ZNHIT6: variants seen among roughly 807,000 people sequenced by gnomAD.
ZNHIT6 encodes the protein box C/D snoRNA protein 1.
In ZNHIT6, 45 loss-of-function variants were observed where a neutral mutation model predicts 57.2. That is an observed-to-expected ratio of 0.79 (90% CI 0.62 to 1.01). The LOEUF is 1.01. Ranked by LOEUF, ZNHIT6 falls within the 50% of genes least tolerant of loss-of-function variation. The pLI is 0.00. For missense variants in ZNHIT6, 528 were observed against 567.3 expected (o/e 0.93, Z 0.70); for synonymous variants, 188 against 190.0 (o/e 0.99, Z 0.09).
At chr1:85,665,585 T>C (rs969807348) in intron 8 of ZNHIT6, among the ~76,000 whole-genome samples, 10 of 152,172 alleles carry the variant, frequency 6.6e-5, no homozygotes, top group African/African-American at 2.2e-4. Flanking sequence ...CAATACAGTA[T>C]TGTTAATTAT....
At chr1:85,705,993 A>T in intron 4 of ZNHIT6, 85 bp downstream of exon 4, 2 of 1,087,722 alleles carry the variant, frequency 1.8e-6, no homozygotes, top group Non-Finnish European at 2.6e-6. Context: ...GTAGCCACTT[A>T]ATATATTTGG....
chr1:85,706,261 T>A lies in ZNHIT6; in HGVS notation c.817A>T (p.Asn273Tyr). Residue 273 changes from asparagine to tyrosine, a missense_variant, in exon 3 of 10, where the codon AAT becomes TAT. Asn to Tyr is a moderately radical substitution (Grantham distance 143). Coordinates refer to ENST00000370574, the MANE Select transcript of ZNHIT6 (RefSeq NM_017953.4). ...TAAAGTGGCTTACCACTTAGGAGAT[T>A]CATTTCAGTAAACTGTTGTATTGAA... ...YISIQQFTEM[N>Y]LLSDYRFLED... 1 of 1,611,300 alleles carries A rather than the reference T, an allele frequency of 6.2e-7. No homozygotes were observed. The highest frequency in any genetic ancestry group is 1.3e-5 in the African/African-American group (1 of 75,020).
chr1:85,654,301 T>C (rs1209210712), intron 9 of ZNHIT6, among the ~76,000 whole-genome samples: 1 of 152,202 alleles, frequency 6.6e-6, no homozygotes, highest in Non-Finnish European at 1.5e-5. Flanking sequence ...GGCAATTATA[T>C]TTTGTGAGGT....
intron 5 of ZNHIT6, among the ~76,000 whole-genome samples, chr1:85,694,296 T>G (rs780952805): frequency 1.3e-5 from 2 of 152,158 alleles, no homozygotes; most frequent in Non-Finnish European, 2.9e-5. Context: ...CAGGGCCCAG[T>G]AGAGGGATGC....
chr1:85,680,356 A>C (rs186090965), intron 6 of ZNHIT6, among the ~76,000 whole-genome samples: 18 of 152,368 alleles, frequency 1.2e-4, no homozygotes, highest in Non-Finnish European at 2.6e-4. Flanking sequence ...TGTTAATAGT[A>C]GTAATCTTTG....
chr1:85,683,086 G>A (rs895022735), intron 5 of ZNHIT6, among the ~76,000 whole-genome samples: 1 of 152,040 alleles, frequency 6.6e-6, no homozygotes, highest in Non-Finnish European at 1.5e-5. Flanking sequence ...GCATGGTGGC[G>A]TATGCCTATA....
At chr1:85,690,424 G>C (rs1662183858) in intron 5 of ZNHIT6, among the ~76,000 whole-genome samples, 1 of 152,126 alleles carries the variant, frequency 6.6e-6, no homozygotes, top group Non-Finnish European at 1.5e-5. Flanking sequence ...TAAAAACCTA[G>C]AAATAAAAAC....
At chr1:85,700,434 TG>T (rs1264120353) in intron 5 of ZNHIT6, among the ~76,000 whole-genome samples, 1 of 152,140 alleles carries the variant, frequency 6.6e-6, no homozygotes, top group Non-Finnish European at 1.5e-5. Flanking sequence ...AAAAGACTTA[TG>T]CAAGAAGAAT....
At chr1:85,688,231 A>G (rs1394030447) in intron 5 of ZNHIT6, among the ~76,000 whole-genome samples, 1 of 152,166 alleles carries the variant, frequency 6.6e-6, no homozygotes, top group South Asian at 2.1e-4. Flanking sequence ...AAATATTATT[A>G]TTTCATTTTA....
chr1:85,663,043 T>C (rs967280020), intron 8 of ZNHIT6, among the ~76,000 whole-genome samples: 1 of 152,182 alleles, frequency 6.6e-6, no homozygotes, highest in Non-Finnish European at 1.5e-5. Flanking sequence ...AGTTCCAGTC[T>C]TATCACTGGT....
rs907100707 is a variant in ZNHIT6, at chr1:85,657,865, T to C, written c.1354A>G (p.Met452Val). ...HVVLKGSNND[M>V]KVLHQVKSES... ...CACTTACCTTGGTGAAGAACTTTCA[T>C]GTCATTATTGGATCCTTTCAATACC... is the stretch of plus-strand genomic sequence containing the variant. The change falls in exon 9 of 10, where the codon ATG (methionine) becomes GTG (valine). Residue 452 changes from methionine to valine, a missense_variant. Met to Val is a conservative substitution (Grantham distance 21). Transcript: ENST00000370574. 9 of 1,607,600 alleles carry C rather than the reference T, an allele frequency of 5.6e-6. No individual in the cohort carries two copies. In the African/African-American group the frequency reaches 9.4e-5, roughly 17 times the overall value.
chr1:85,688,041 CAAAA>C (rs756438399), intron 5 of ZNHIT6, among the ~76,000 whole-genome samples: 2 of 58,238 alleles, frequency 3.4e-5, no homozygotes, highest in Admixed American at 2.0e-4. Flanking sequence ...GACTCCGTCT[CAAAA>C]AAAAAAAAAA....
chr1:85,708,163 T>G lies in ZNHIT6; in HGVS notation c.122A>C (p.Glu41Ala). 6.2e-7 allele frequency: 1 copy of G among 1,614,144 alleles called. No individual in the cohort carries two copies. The highest frequency in any genetic ancestry group is 8.5e-7 in the Non-Finnish European group (1 of 1,180,028). Reference sequence around the variant, plus strand: ...TGTCCCCTCCTCTCCGCCGCCGAACTCCTCCGCCCCTGCTAAGTCCCTTAC... The same window carrying G: ...TGTCCCCTCCTCTCCGCCGCCGAACGCCTCCGCCCCTGCTAAGTCCCTTAC... ...EGVRDLAGAEEFGGGEEGTGL... is the reference protein window; with the variant it reads ...EGVRDLAGAEAFGGGEEGTGL... Residue 41 changes from glutamate (E) to alanine (A), a missense_variant, in exon 1 of 10, where the codon GAG becomes GCG. Coordinates refer to ENST00000370574, the MANE Select transcript of ZNHIT6 (RefSeq NM_017953.4).
At position 85,707,620 on chromosome 1, in the gene ZNHIT6, A is replaced by C. The variant is rs1481465837; in HGVS notation, c.656+9T>G. 4 of 1,538,104 alleles carry C rather than the reference A, an allele frequency of 2.6e-6. No homozygotes were observed. Among genetic ancestry groups the C allele is most frequent in the Non-Finnish European group, 3.5e-6 (4 of 1,147,756 alleles). ...TTTATTCCCCTAAATGGAATCCCCC[A>C]TGCCCTACCTTGACATGGCCAGTTT... On this transcript the variant is annotated intron_variant, in intron 1 of 9. Transcript: ENST00000370574.
intron 8 of ZNHIT6, among the ~76,000 whole-genome samples, chr1:85,661,799 T>C (rs1661230048): frequency 6.6e-6 from 1 of 152,192 alleles, no homozygotes; most frequent in South Asian, 2.1e-4. Context: ...GTATTTCCAT[T>C]AATATAATGT....
intron 8 of ZNHIT6, among the ~76,000 whole-genome samples, chr1:85,671,156 T>C (rs568060004): frequency 2.0e-5 from 3 of 152,356 alleles, no homozygotes; most frequent in African/African-American, 7.2e-5. Context: ...CTTAAGTTCC[T>C]GAAATCTCTC....
At chr1:85,687,300 A>AAAAAAAAAAAAAAAAAAAAC (rs1662084689) in intron 5 of ZNHIT6, among the ~76,000 whole-genome samples, 1 of 130,258 alleles carries the variant, frequency 7.7e-6, no homozygotes, top group East Asian at 2.6e-4. Flanking sequence ...AAAAAAAAAC[A>AAAAAAAAAAAAAAAAAAAAC]AAAAAAAAAA....
intron 5 of ZNHIT6, among the ~76,000 whole-genome samples, chr1:85,684,807 T>A (rs1661977170): frequency 6.6e-6 from 1 of 152,178 alleles, no homozygotes; most frequent in Admixed American, 6.5e-5. Context: ...ATAACCATAA[T>A]CTAAATTATT....
chr1:85,663,062 G>T (rs551314119), intron 8 of ZNHIT6, among the ~76,000 whole-genome samples: 2 of 152,172 alleles, frequency 1.3e-5, no homozygotes, highest in South Asian at 4.1e-4. Flanking sequence ...GTCCTTATGA[G>T]CTATAACTCC....
Sources: gnomAD v4.1 joint callset for allele counts (sites outside exome capture counted in the v4.1 genomes callset) on GRCh38, gnomAD v4.1.1 for gene constraint, MANE v1.5 for transcripts, NCBI Gene and HGNC (gene_info 2026-07-23, HGNC 2026-07-21) for gene names.